Variants in CHRM2 observed in about 807,000 individuals in gnomAD.
The protein encoded by CHRM2 is cholinergic receptor muscarinic 2, also known as muscarinic acetylcholine receptor M2.
In CHRM2, 8 loss-of-function variants were observed where a neutral mutation model predicts 25.0. That is an observed-to-expected ratio of 0.32 (90% confidence interval 0.19 to 0.58). The LOEUF is 0.58. CHRM2 is among the 20% of genes least tolerant of loss of function. CHRM2 has a pLI of 0.88. For missense variants in CHRM2, 440 were observed against 567.1 expected (o/e 0.78, Z 2.28); for synonymous variants, 202 against 205.7 (o/e 0.98, Z 0.15).
At chr7:136,938,801 T>C (rs1438277322) in intron 2 of CHRM2, among the ~76,000 whole-genome samples, 1 of 151,538 alleles carries the variant, frequency 6.6e-6, no homozygotes, top group Non-Finnish European at 1.5e-5. Flanking sequence ...AGCTCAGCCC[T>C]AGCCCTCAGC....
chr7:136,909,678 T>C (rs945487888), intron 2 of CHRM2, among the ~76,000 whole-genome samples: 3 of 151,940 alleles, frequency 2.0e-5, no homozygotes, highest in African/African-American at 7.2e-5. Flanking sequence ...CATACTGTCA[T>C]GCACTTCAAG....
intron 2 of CHRM2, among the ~76,000 whole-genome samples, chr7:136,945,620 T>A (rs538898819): frequency 6.6e-6 from 1 of 152,278 alleles, no homozygotes; most frequent in African/African-American, 2.4e-5. Flanking sequence ...TTGGTGACTA[T>A]AGCCTTGTAG....
At chr7:136,939,086 G>A (rs1017792831) in intron 2 of CHRM2, among the ~76,000 whole-genome samples, 2 of 152,002 alleles carry the variant, frequency 1.3e-5, no homozygotes, top group South Asian at 4.1e-4. Flanking sequence ...CAGAAGTTAT[G>A]TGCTAATTTC....
chr7:136,892,924 A>C (rs1232013758), intron 2 of CHRM2, among the ~76,000 whole-genome samples: 1 of 152,148 alleles, frequency 6.6e-6, no homozygotes, highest in Non-Finnish European at 1.5e-5. Flanking sequence ...AAGTGCTGGG[A>C]TTACAGGCAT....
chr7:136,935,819 C>T (rs930586555), intron 2 of CHRM2, among the ~76,000 whole-genome samples: 1 of 152,122 alleles, frequency 6.6e-6, no homozygotes, highest in Non-Finnish European at 1.5e-5. Flanking sequence ...CAACTCATTT[C>T]CTTTTCACCT....
intron 2 of CHRM2, among the ~76,000 whole-genome samples, chr7:136,925,139 C>T (rs1336230538): frequency 6.6e-6 from 1 of 152,152 alleles, no homozygotes; most frequent in Admixed American, 6.5e-5. Flanking sequence ...GGAAATAACC[C>T]TCCAGATGTG....
Position 136,994,541 on chromosome 7 carries a change from T to G in CHRM2, c.-47+2277T>G, listed in dbSNP as rs1359470249. On this transcript the variant is annotated intron_variant, in intron 3 of 3. Transcript: ENST00000680005. ...CTTTTCTTTTTTTTTTTTTTTTTTT[T>G]TTTTTTGAGACGGAGTTTCGCTTTT... 2.1e-5 allele frequency among the ~76,000 whole-genome samples: 3 copies of G among 145,502 alleles called. No individual in the cohort carries two copies. In the East Asian group the frequency reaches 5.9e-4, roughly 29 times the overall value.
At chr7:137,003,469 TGCATACACACACACACAC>T (rs1206926186) in intron 3 of CHRM2, among the ~76,000 whole-genome samples, 2 of 138,310 alleles carry the variant, frequency 1.4e-5, no homozygotes, top group African/African-American at 5.6e-5. Flanking sequence ...TATGCATGCA[TGCATACACACACACACAC>T]ACACACACAC....
At position 136,964,343 on chromosome 7, in the gene CHRM2, C is replaced by T. The variant is rs181627648; in HGVS notation, c.-124-27844C>T. On this transcript the variant is annotated intron_variant, in intron 2 of 3. Coordinates refer to ENST00000680005, the MANE Select transcript of CHRM2 (RefSeq NM_001006630.2). ...TGTTCTCATGCAGATAACTTTTACCCTCCTGCAGATTTTGTAGTCAATAAA... is the reference window on the plus strand; with the variant it reads ...TGTTCTCATGCAGATAACTTTTACCTTCCTGCAGATTTTGTAGTCAATAAA... Among the ~76,000 whole-genome samples the T allele has an allele frequency of 1.8e-3, 273 of 152,194 alleles. 1 individual carries two copies. Among genetic ancestry groups the T allele is most frequent in the African/African-American group, 6.4e-3 (267 of 41,528 alleles).
At chr7:136,987,127 TTC>T (rs75715747) in intron 2 of CHRM2, among the ~76,000 whole-genome samples, 35,433 of 152,026 alleles carry the variant, frequency 0.23, 5,333 homozygotes, top group Non-Finnish European at 0.33. Flanking sequence ...TTATTTCTCT[TTC>T]TTTTTCTCTT....
intron 2 of CHRM2, among the ~76,000 whole-genome samples, chr7:136,874,892 T>C (rs1795987944): frequency 1.3e-5 from 2 of 151,590 alleles, no homozygotes; most frequent in Admixed American, 6.6e-5. Flanking sequence ...AAAATGTTCT[T>C]ATGGAAGAAA....
intron 2 of CHRM2, among the ~76,000 whole-genome samples, chr7:136,965,528 A>G (rs1801359055): frequency 6.6e-6 from 1 of 152,134 alleles, no homozygotes; most frequent in Admixed American, 6.6e-5. Flanking sequence ...CAGAAAAGGC[A>G]CACATAAAAT....
chr7:137,010,119 C>T (rs1375180355), intron 3 of CHRM2, among the ~76,000 whole-genome samples: 1 of 152,018 alleles, frequency 6.6e-6, no homozygotes, highest in African/African-American at 2.4e-5. Flanking sequence ...ATTATTATTC[C>T]TGTTTGAGAA....
At chr7:136,953,270 G>A (rs902784797) in intron 2 of CHRM2, among the ~76,000 whole-genome samples, 4 of 152,024 alleles carry the variant, frequency 2.6e-5, no homozygotes, top group Non-Finnish European at 5.9e-5. Context: ...GAGCATCTAA[G>A]TGCCCCACTA....
chr7:136,998,447 G>C (rs537661088), intron 3 of CHRM2, among the ~76,000 whole-genome samples: 3 of 152,238 alleles, frequency 2.0e-5, no homozygotes, highest in Admixed American at 1.3e-4. Flanking sequence ...AGATCTAAGG[G>C]AGACGTGAGT....
intron 2 of CHRM2, among the ~76,000 whole-genome samples, chr7:136,917,956 A>T (rs1165763648): frequency 2.6e-5 from 4 of 152,134 alleles, no homozygotes; most frequent in Non-Finnish European, 4.4e-5. Context: ...CATGGAGCAG[A>T]CATGATCAAC....
Position 137,018,518 on chromosome 7 carries a change from T to C in CHRM2, c.*2252T>C, listed in dbSNP as rs1295611564. On this transcript the variant is annotated 3_prime_UTR_variant, in exon 4 of 4. Transcript: ENST00000680005. ...AAAACCAGAGAATTGACTAGCCAAG[T>C]ATTTCCCTTTTTAATGTATTGTATT... 1 of 151,860 alleles carries C rather than the reference T, an allele frequency of 6.6e-6. No individual in the cohort carries two copies. The highest frequency in any genetic ancestry group is 1.5e-5 in the Non-Finnish European group (1 of 67,870). The allele number at this position is 151,860 out of a possible 1,614,324, so 9.4% of individuals were successfully genotyped here.
chr7:136,961,310 C>T lies in CHRM2; in HGVS notation c.-124-30877C>T, dbSNP rs147071509. 4.8e-3 allele frequency among the ~76,000 whole-genome samples: 730 copies of T among 152,094 alleles called. 10 individuals are homozygous for T. The highest frequency in any genetic ancestry group is 0.017 in the African/African-American group (700 of 41,494). On this transcript the variant is annotated intron_variant, in intron 2 of 3. Coordinates refer to ENST00000680005, the MANE Select transcript of CHRM2 (RefSeq NM_001006630.2). ...ACTGGAAGCTAATAATGTAAGTGTT[C>T]TGGGCAAGTTTAAGGTAGGCTAGGC...
chr7:136,955,234 T>TATATATA (rs1800654047), intron 2 of CHRM2, among the ~76,000 whole-genome samples: 1 of 152,184 alleles, frequency 6.6e-6, no homozygotes, highest in African/African-American at 2.4e-5. Flanking sequence ...AGCCAAAGTA[T>TATATATA]TTTATAATCC....
Sources: allele counts gnomAD v4.1 joint callset (sites outside exome capture counted in the v4.1 genomes callset), GRCh38; gene constraint gnomAD v4.1.1; transcripts MANE v1.5; gene names NCBI Gene and HGNC (gene_info 2026-07-23, HGNC 2026-07-21).